The following TMEM30A variants were observed in gnomAD, a reference collection of about 807,000 sequenced individuals.
TMEM30A encodes cell division cycle 50 P4-ATPase accessory subunit A, also known as cell cycle control protein 50A.
A neutral mutation model predicts 38.2 loss-of-function variants in TMEM30A; 24 were observed. That is an observed-to-expected ratio of 0.63 (90% confidence interval 0.46 to 0.88). The LOEUF (loss-of-function observed/expected upper bound fraction) is 0.88. Ranked by LOEUF, TMEM30A falls within the 40% of genes least tolerant of loss-of-function variation. TMEM30A has a pLI of 0.00. For missense variants in TMEM30A, 370 were observed against 458.6 expected, an observed-to-expected ratio of 0.81 and a Z score of 1.77; for synonymous variants, 145 against 161.6, an observed-to-expected ratio of 0.90 and a Z score of 0.78.
Position 75,257,740 on chromosome 6 carries a change from C to A in TMEM30A, c.892+1040G>T, listed in dbSNP as rs563105033. Among the ~76,000 whole-genome samples, 15 of 151,582 alleles carry A rather than the reference C, an allele frequency of 9.9e-5. No individual in the cohort carries two copies. The South Asian group carries it at 1.9e-3, about 19-fold the overall frequency. ...GGTGCAACATCAAGAGAGTAGAATT[C>A]AAAAAAAACCTTATTTTGAAATTGG... On this transcript the variant is annotated intron_variant, in intron 6 of 6. Coordinates refer to ENST00000230461, the MANE Select transcript of TMEM30A (RefSeq NM_018247.4).
intron 1 of TMEM30A, among the ~76,000 whole-genome samples, chr6:75,268,769 GA>G (rs199608973): frequency 0.018 from 2,727 of 152,198 alleles, 63 homozygotes; most frequent in East Asian, 0.1. Context: ...GAACTCCCTG[GA>G]TTTGGAGCCA....
chr6:75,274,955 A>G (rs143918503), intron 1 of TMEM30A, among the ~76,000 whole-genome samples: 66 of 151,176 alleles, frequency 4.4e-4, no homozygotes, highest in East Asian at 3.3e-3. Context: ...AGCTTGCAGT[A>G]AGCCAAGATC....
chr6:75,260,102 A>T (rs1040919676), intron 4 of TMEM30A, among the ~76,000 whole-genome samples: 2 of 152,130 alleles, frequency 1.3e-5, no homozygotes, highest in African/African-American at 4.8e-5. Context: ...AAATATGACT[A>T]TTAGAAAATT....
chr6:75,264,104 C>T (rs150331566), intron 3 of TMEM30A, among the ~76,000 whole-genome samples: 55 of 152,288 alleles, frequency 3.6e-4, no homozygotes, highest in African/African-American at 1.3e-3. Flanking sequence ...CTAACCAGAA[C>T]CCTGTGTATA....
chr6:75,265,293 G>T lies in TMEM30A; in HGVS notation c.391C>A (p.His131Asn). The change falls in exon 3 of 7, where the codon CAT becomes AAT. Residue 131 changes from histidine to asparagine, a missense_variant. Transcript: ENST00000230461. ...TCTCGAGATTTCACGTAACGACGAT[G>T]GTTTTGATAGAAATTAGACAGTCCA... Reference protein sequence around the residue: ...YYGLSNFYQNHRRYVKSRDDS... With the variant: ...YYGLSNFYQNNRRYVKSRDDS... The T allele has an allele frequency of 6.2e-7, 1 of 1,611,596 alleles. No homozygotes were observed. The highest frequency in any genetic ancestry group is 1.1e-5 in the South Asian group (1 of 90,856).
At chr6:75,259,054 C>A (rs1771918959) in intron 5 of TMEM30A, 68 bp from the exon 6 acceptor site, 6 of 1,358,630 alleles carry the variant, frequency 4.4e-6, no homozygotes, top group South Asian at 1.3e-5. Context: ...GGCGGAGAAA[C>A]GAATAAATTT....
chr6:75,265,470 C>T (rs1451866310), intron 2 of TMEM30A, 132 bp from the exon 3 acceptor site: 3 of 443,070 alleles, frequency 6.8e-6, no homozygotes, highest in Non-Finnish European at 1.2e-5. Flanking sequence ...GGGGTAAATT[C>T]CACCAGTACT....
chr6:75,266,444 C>T (rs1337525713), intron 2 of TMEM30A, among the ~76,000 whole-genome samples: 2 of 152,044 alleles, frequency 1.3e-5, no homozygotes, highest in Non-Finnish European at 2.9e-5. Context: ...AGATTCAGTA[C>T]AGTAAATTCA....
At chr6:75,256,420 T>A in intron 6 of TMEM30A, 125 bp from the exon 7 acceptor site, 1 of 690,868 alleles carries the variant, frequency 1.4e-6, no homozygotes. Flanking sequence ...GGTACCTCAC[T>A]CCTACGTTCT....
intron 1 of TMEM30A, among the ~76,000 whole-genome samples, chr6:75,277,080 A>C (rs1167914142): frequency 1.3e-5 from 2 of 152,086 alleles, no homozygotes; most frequent in African/African-American, 4.8e-5. Context: ...TCTTCTTCAT[A>C]GGATTTTTTA....
At chr6:75,269,780 C>T (rs569141836) in intron 1 of TMEM30A, among the ~76,000 whole-genome samples, 17 of 152,250 alleles carry the variant, frequency 1.1e-4, no homozygotes, top group African/African-American at 3.9e-4. Flanking sequence ...CTGCAACCTC[C>T]GCCTCCTGGG....
intron 2 of TMEM30A, 23 bp from the exon 3 acceptor site, chr6:75,265,361 A>G: frequency 7.1e-7 from 1 of 1,418,374 alleles, no homozygotes; most frequent in South Asian, 1.2e-5. Context: ...AGAGGGAAAA[A>G]ATTTTCATAT....
Position 75,253,308 on chromosome 6 carries a change from A to G in TMEM30A, c.*2794T>C, listed in dbSNP as rs1327370482. 1 of 152,056 alleles carries G rather than the reference A, an allele frequency of 6.6e-6. No individual in the cohort carries two copies. Among genetic ancestry groups the G allele is most frequent in the Admixed American group, 6.6e-5 (1 of 15,252 alleles). 9.4% of individuals were successfully genotyped at this position (152,056 alleles called of 1,614,324 possible). A position where few individuals can be genotyped will look rare whatever the true frequency, so the allele number is the denominator to read the frequency against. On this transcript the variant is annotated 3_prime_UTR_variant, in exon 7 of 7. Transcript: ENST00000230461. ...TTTTTCCTGTGTACCCCACTTCATT[A>G]TTTCCATCATGCTTACCTCTCTGTT... is the stretch of plus-strand genomic sequence containing the variant.
chr6:75,272,479 T>A (rs1374832352), intron 1 of TMEM30A: 1 of 152,220 alleles, frequency 6.6e-6, no homozygotes, highest in Non-Finnish European at 1.5e-5. Context: ...TAGGAAAGTT[T>A]TAGGTTATTA....
intron 1 of TMEM30A, among the ~76,000 whole-genome samples, chr6:75,277,305 CAAAA>C (rs60419282): frequency 1.5e-4 from 14 of 91,668 alleles, no homozygotes; most frequent in African/African-American, 4.7e-4. Flanking sequence ...TGTCCTCATC[CAAAA>C]AAAAAAAAAA....
At chr6:75,259,829 T>C (rs1771933183) in intron 4 of TMEM30A, among the ~76,000 whole-genome samples, 4 of 152,180 alleles carry the variant, frequency 2.6e-5, no homozygotes, top group South Asian at 2.1e-4. Flanking sequence ...GCTTCTTGCT[T>C]ATCCATTTCT....
rs1237903515 is a variant in TMEM30A at position 75,265,235 on chromosome 6, A to T, written c.449T>A (p.Leu150Ter). 1 of 1,576,928 alleles carries T rather than the reference A, an allele frequency of 6.3e-7. No individual in the cohort carries two copies. Among genetic ancestry groups the T allele is most frequent in the Non-Finnish European group, 8.7e-7 (1 of 1,155,874 alleles). Reference protein sequence around the residue: ...DSQLNGDSSALLNPSKECEPY... With the variant: ...DSQLNGDSSA Reference sequence around the variant, plus strand: ...CATATTTATCATTTTACTTACAAGCAAAGCACTAGAATCTCCATTTAGTTG... The same window carrying T: ...CATATTTATCATTTTACTTACAAGCTAAGCACTAGAATCTCCATTTAGTTG... Residue 150 changes from leucine (L) to a stop codon, truncating the protein, a stop_gained, in exon 3 of 7, where the codon TTG becomes TAG. Transcript: ENST00000230461. LOFTEE classifies it high-confidence loss of function.
Position 75,259,482 on chromosome 6 carries a change from C to T in TMEM30A, c.550G>A (p.Glu184Lys). Residue 184 changes from glutamate to lysine, a missense_variant, in exon 5 of 7, where the codon GAA becomes AAA. Transcript: ENST00000230461. ...IANSMFNDTLELFLIGNDSYP... is the reference protein window; with the variant it reads ...IANSMFNDTLKLFLIGNDSYP... ...GAATCATTGCCAATGAGAAACAATT[C>T]TAATGTATCTAAACACAAGCAAAGA... is the stretch of plus-strand genomic sequence containing the variant. 1 of 1,603,958 alleles carries T rather than the reference C, an allele frequency of 6.2e-7. No individual in the cohort carries two copies. Among genetic ancestry groups the T allele is most frequent in the Non-Finnish European group, 8.5e-7 (1 of 1,176,304 alleles).
intron 6 of TMEM30A, among the ~76,000 whole-genome samples, chr6:75,258,001 CTATGCAGA>C (rs1384722417): frequency 1.3e-5 from 2 of 152,180 alleles, no homozygotes; most frequent in African/African-American, 4.8e-5. Context: ...AAGACTGCAT[CTATGCAGA>C]TATGGGTTGG....
Sources: allele counts gnomAD v4.1 joint callset (sites outside exome capture counted in the v4.1 genomes callset), GRCh38; gene constraint gnomAD v4.1.1; transcripts MANE v1.5; gene names NCBI Gene and HGNC (gene_info 2026-07-23, HGNC 2026-07-21).